The following VPS13B variants were observed in gnomAD, a reference collection of about 807,000 sequenced individuals.
VPS13B encodes intermembrane lipid transfer protein VPS13B.
VPS13B carries 285 observed loss-of-function variants against 426.4 expected under a neutral mutation model. The observed-to-expected ratio is 0.67, with a 90% CI of 0.61 to 0.74. The LOEUF (loss-of-function observed/expected upper bound fraction) is 0.74. Ranked by LOEUF, VPS13B falls within the 30% of genes least tolerant of loss-of-function variation. VPS13B has a pLI of 0.00. For missense variants in VPS13B, 4,537 were observed against 4,782.6 expected, an observed-to-expected ratio of 0.95 and a Z score of 1.51; for synonymous variants, 1,676 against 1,676.4, an observed-to-expected ratio of 1.00 and a Z score of 0.01.
At chr8:99,685,060 C>T (rs1831326303) in intron 35 of VPS13B, among the ~76,000 whole-genome samples, 1 of 152,218 alleles carries the variant, frequency 6.6e-6, no homozygotes, top group South Asian at 2.1e-4. Context: ...CTTGGCCTAC[C>T]AAAGGGCTGG....
chr8:99,579,383 C>T (rs956880941), intron 33 of VPS13B, among the ~76,000 whole-genome samples: 1 of 152,050 alleles, frequency 6.6e-6, no homozygotes, highest in African/African-American at 2.4e-5. Context: ...GGTTTCACAA[C>T]AACACTACCA....
intron 17 of VPS13B, among the ~76,000 whole-genome samples, chr8:99,218,779 A>G (rs1815523581): frequency 6.6e-6 from 1 of 152,172 alleles, no homozygotes; most frequent in South Asian, 2.1e-4. Context: ...CTGGAAAGGG[A>G]TGGAGTGGTA....
intron 17 of VPS13B, among the ~76,000 whole-genome samples, chr8:99,262,912 A>T (rs980678662): frequency 1.3e-5 from 2 of 152,042 alleles, no homozygotes; most frequent in African/African-American, 4.8e-5. Context: ...AGCTGGGACC[A>T]CAGGTGTGTG....
Position 99,420,158 on chromosome 8 carries a change from C to G in VPS13B, c.3083-11379C>G, listed in dbSNP as rs186439165. Among the ~76,000 whole-genome samples, 140 of 152,212 alleles carry G rather than the reference C, an allele frequency of 9.2e-4. 1 individual carries two copies. Among genetic ancestry groups the G allele is most frequent in the African/African-American group, 2.8e-3 (118 of 41,548 alleles). The stretch of plus-strand genomic sequence containing the variant: ...AGAAAGGGCTTAATTCTAAGAAGTG[C>G]TTACTATGAAAACTGAATTATTACA... On this transcript the variant is annotated intron_variant, in intron 21 of 61. Coordinates refer to ENST00000357162, the MANE Select transcript of VPS13B (RefSeq NM_152564.5).
intron 35 of VPS13B, chr8:99,697,420 G>A: frequency 1.5e-6 from 1 of 667,044 alleles, no homozygotes; most frequent in South Asian, 1.8e-5. Context: ...CCCTGCTAGA[G>A]AGCTTGAAGG....
At chr8:99,286,912 A>G (rs1431011782) in intron 19 of VPS13B, among the ~76,000 whole-genome samples, 1 of 152,106 alleles carries the variant, frequency 6.6e-6, no homozygotes, top group Non-Finnish European at 1.5e-5. Context: ...CAAAGGAAAT[A>G]TTGATTGTTG....
chr8:99,027,078 G>A (rs1161109193), intron 2 of VPS13B, among the ~76,000 whole-genome samples: 6 of 152,026 alleles, frequency 3.9e-5, no homozygotes, highest in South Asian at 2.1e-4. Context: ...GTTTCACCAC[G>A]TTGGCCAGGC....
At chr8:99,307,070 G>A (rs747345750) in intron 19 of VPS13B, among the ~76,000 whole-genome samples, 52 of 152,010 alleles carry the variant, frequency 3.4e-4, no homozygotes, top group Non-Finnish European at 5.7e-4. Context: ...GTAATAATGG[G>A]TTCACTGCTG....
At chr8:99,205,190 T>C (rs757993490) in intron 17 of VPS13B, among the ~76,000 whole-genome samples, 1 of 152,088 alleles carries the variant, frequency 6.6e-6, no homozygotes, top group Non-Finnish European at 1.5e-5. Context: ...ATTGATGAGT[T>C]CATGGTTTTT....
chr8:99,868,022 T>C, intron 58 of VPS13B: 1 of 422,748 alleles, frequency 2.4e-6, no homozygotes, highest in Non-Finnish European at 4.4e-6. Flanking sequence ...CTGAATAGCC[T>C]GACAGGTTTG....
At chr8:99,703,987 A>C (rs1209115931) in intron 36 of VPS13B, among the ~76,000 whole-genome samples, 1 of 152,096 alleles carries the variant, frequency 6.6e-6, no homozygotes, top group Admixed American at 6.6e-5. Flanking sequence ...GTGCCACAAA[A>C]GATTGGGGGA....
chr8:99,159,202 G>A (rs1343909440), intron 15 of VPS13B, among the ~76,000 whole-genome samples: 1 of 152,138 alleles, frequency 6.6e-6, no homozygotes, highest in African/African-American at 2.4e-5. Context: ...TGACTGAATT[G>A]CTACAATCTC....
chr8:99,761,122 G>A (rs1397039025), intron 39 of VPS13B, among the ~76,000 whole-genome samples: 2 of 152,070 alleles, frequency 1.3e-5, no homozygotes, highest in Non-Finnish European at 2.9e-5. Flanking sequence ...TTTTAATAGG[G>A]GTTTCATTTG....
chr8:99,074,190 G>GTTTGTCATATATGGCC lies in VPS13B; in HGVS notation c.292-22118_292-22103dup, dbSNP rs989077128. ...CATTTCAGTATGATAGTAGCTGTGG[G>GTTTGTCATATATGGCC]TTTGTCATATATGGCCTTTATTATG... On this transcript the variant is annotated intron_variant, in intron 3 of 61. Coordinates refer to ENST00000357162, the MANE Select transcript of VPS13B (RefSeq NM_152564.5). Among the ~76,000 whole-genome samples the GTTTGTCATATATGGCC allele has an allele frequency of 9.2e-5, 14 of 152,224 alleles. No individual in the cohort carries two copies. The South Asian group carries it at 2.3e-3, about 25-fold the overall frequency.
At chr8:99,281,099 A>G (rs1313908317) in intron 19 of VPS13B, among the ~76,000 whole-genome samples, 3 of 152,138 alleles carry the variant, frequency 2.0e-5, no homozygotes, top group Admixed American at 2.0e-4. Flanking sequence ...TCCAACTCAG[A>G]TCATCAGGCA....
chr8:99,618,566 A>G (rs915933913), intron 33 of VPS13B, among the ~76,000 whole-genome samples: 1 of 152,156 alleles, frequency 6.6e-6, no homozygotes, highest in East Asian at 1.9e-4. Context: ...ATGATCTTTG[A>G]TGGAAATGTT....
intron 33 of VPS13B, among the ~76,000 whole-genome samples, chr8:99,635,812 CA>C (rs1829044046): frequency 6.6e-6 from 1 of 151,886 alleles, no homozygotes; most frequent in African/African-American, 2.4e-5. Flanking sequence ...TAATATAACC[CA>C]AAATTAGTTT....
chr8:99,696,790 T>C, intron 35 of VPS13B: 1 of 1,409,702 alleles, frequency 7.1e-7, no homozygotes, highest in Non-Finnish European at 1.0e-6. Context: ...CCAAATTATT[T>C]GAGAATGAGC....
intron 19 of VPS13B, among the ~76,000 whole-genome samples, chr8:99,320,134 G>T (rs918532284): frequency 2.0e-5 from 3 of 152,064 alleles, no homozygotes; most frequent in African/African-American, 4.8e-5. Context: ...CTTGTTCTTT[G>T]GAATTGTGGC....
Sources: gnomAD v4.1 joint callset for allele counts (sites outside exome capture counted in the v4.1 genomes callset) on GRCh38, gnomAD v4.1.1 for gene constraint, MANE v1.5 for transcripts, NCBI Gene and HGNC (gene_info 2026-07-23, HGNC 2026-07-21) for gene names.